The following ANKRD52 variants were observed in gnomAD, a reference collection of about 807,000 sequenced individuals.
The protein encoded by ANKRD52 is ankyrin repeat domain 52.
A neutral mutation model predicts 116.0 loss-of-function variants in ANKRD52; 7 were observed. The observed-to-expected ratio is 0.06, with a 90% CI of 0.03 to 0.11. The LOEUF (loss-of-function observed/expected upper bound fraction) is 0.11. Ranked by LOEUF, ANKRD52 falls within the 10% of genes least tolerant of loss-of-function variation. ANKRD52 has a pLI of 1.00. For missense variants in ANKRD52, 839 were observed against 1,408.6 expected, an observed-to-expected ratio of 0.60 and a Z score of 6.47; for synonymous variants, 528 against 578.1, an observed-to-expected ratio of 0.91 and a Z score of 1.24.
At position 56,254,698 on chromosome 12, in the gene ANKRD52, C is replaced by A. The variant is rs1871864690; in HGVS notation, c.573G>T (p.Leu191=). The A allele has an allele frequency of 6.2e-7, 1 of 1,612,362 alleles. No homozygotes were observed. The highest frequency in any genetic ancestry group is 8.5e-7 in the Non-Finnish European group (1 of 1,178,840). The part of the protein sequence containing the change: ...AFLGHLEVLK[L]LVARGADLGC... ...CGAGGTCTGCTCCCCGTGCCACCAG[C>A]AGTTTTAGGACCTCCAAGTGCCCTG... The change falls in exon 7 of 28, where the codon CTG becomes CTT. Residue 191 remains leucine, a synonymous_variant. Coordinates refer to ENST00000267116, the MANE Select transcript of ANKRD52 (RefSeq NM_173595.4). This position sits in a 1 kb window ranked among gnomAD's most constrained non-coding sequence, Gnocchi z 4.6.
intron 20 of ANKRD52, among the ~76,000 whole-genome samples, 194 bp from the exon 21 acceptor site, chr12:56,245,790 C>A (rs1313987985): frequency 6.7e-6 from 1 of 149,274 alleles, no homozygotes; most frequent in Non-Finnish European, 1.5e-5. Context: ...TCTCGGCTCA[C>A]TGCAACCTCT....
chr12:56,256,789 G>C (rs952163310), intron 4 of ANKRD52, among the ~76,000 whole-genome samples: 3 of 152,190 alleles, frequency 2.0e-5, no homozygotes, highest in African/African-American at 7.2e-5. Flanking sequence ...GGCCCCCGCA[G>C]TCTGCCAGCC....
At position 56,254,426 on chromosome 12, in the gene ANKRD52, T is replaced by C. The variant is rs1280907155; in HGVS notation, c.694-147A>G. 1 of 1,439,356 alleles carries C rather than the reference T, an allele frequency of 6.9e-7. No individual in the cohort carries two copies. Among genetic ancestry groups the C allele is most frequent in the African/African-American group, 1.4e-5 (1 of 71,092 alleles). 89.2% of individuals were successfully genotyped at this position (1,439,356 alleles called of 1,614,324 possible). On this transcript the variant is annotated intron_variant, in intron 7 of 27. Coordinates refer to ENST00000267116, the MANE Select transcript of ANKRD52 (RefSeq NM_173595.4). This position sits in a 1 kb window ranked among gnomAD's most constrained non-coding sequence, Gnocchi z 4.6. ...AGGTACTAAGGTACTAAGGGCACTA[T>C]GGCTAAGGTAAGCATTATTCAGACC...
At chr12:56,257,444 G>A (rs1872010054) in intron 2 of ANKRD52, 83 bp from the exon 3 acceptor site, 4 of 1,229,404 alleles carry the variant, frequency 3.3e-6, no homozygotes, top group Non-Finnish European at 4.7e-6. Flanking sequence ...CAGAGCTCCA[G>A]GCCCTTCCCC....
chr12:56,247,475 C>T lies in ANKRD52; in HGVS notation c.2184+18G>A, dbSNP rs1249892979. On this transcript the variant is annotated intron_variant, in intron 20 of 27. Coordinates refer to ENST00000267116, the MANE Select transcript of ANKRD52 (RefSeq NM_173595.4). The stretch of plus-strand genomic sequence containing the variant: ...CTGAGGCCCATGTGCAAACAATCCC[C>T]CCTAGAAGCTCACTCACCCCGCGGT... 5 of 1,551,666 alleles carry T rather than the reference C, an allele frequency of 3.2e-6. No individual in the cohort carries two copies. The highest frequency in any genetic ancestry group is 1.2e-5 in the South Asian group (1 of 84,208).
rs1210744703 is a variant in ANKRD52 at position 56,252,995 on chromosome 12, A to T, written c.1183+9T>A. On this transcript the variant is annotated intron_variant, in intron 11 of 27. Coordinates refer to ENST00000267116, the MANE Select transcript of ANKRD52 (RefSeq NM_173595.4). The surrounding 1 kb of genome is among the most constrained non-coding windows in gnomAD (Gnocchi z 4.7). ...TACACCTGCCAATCCCCAGCCCATCAGCACATACCTGAGGAAAGAAGCTTA... is the reference window on the plus strand; with the variant it reads ...TACACCTGCCAATCCCCAGCCCATCTGCACATACCTGAGGAAAGAAGCTTA... 5.0e-6 allele frequency: 8 copies of T among 1,585,344 alleles called. No individual in the cohort carries two copies. The highest frequency in any genetic ancestry group is 6.9e-6 in the Non-Finnish European group (8 of 1,165,770).
Position 56,245,164 on chromosome 12 carries a change from G to C in ANKRD52, c.2431C>G (p.Leu811Val). Residue 811 changes from leucine to valine, a missense_variant, in exon 22 of 28, where the codon CTT (leucine) becomes GTT (valine). Transcript: ENST00000267116. The stretch of plus-strand genomic sequence containing the variant: ...AGGTACGAAAACGGGCTGTGTTCAA[G>C]TAACAACTCCAGACAATCTTCATGT... ...TGHEDCLELL[L>V]EHSPFSYLEG... The C allele has an allele frequency of 6.2e-7, 1 of 1,613,946 alleles. No individual in the cohort carries two copies. Among genetic ancestry groups the C allele is most frequent in the Non-Finnish European group, 8.5e-7 (1 of 1,179,870 alleles).
intron 20 of ANKRD52, among the ~76,000 whole-genome samples, chr12:56,246,359 A>G (rs1245896777): frequency 2.0e-5 from 3 of 152,108 alleles, no homozygotes; most frequent in African/African-American, 2.4e-5. Flanking sequence ...AGTATTAGGG[A>G]CCCACATCTC....
In ANKRD52 at chr12:56,254,617, C is replaced by A. The variant is rs749823677; in HGVS notation, c.654G>T (p.Gln218His). ...GLLHTAAASG[Q>H]IEVVKYLLRM... Reference sequence around the variant, plus strand: ...GAAGCAGGTACTTCACCACTTCAATCTGGCCACTGGCAGCAGCTGTATGGA... The same window carrying A: ...GAAGCAGGTACTTCACCACTTCAATATGGCCACTGGCAGCAGCTGTATGGA... The change falls in exon 7 of 28, where the codon CAG becomes CAT. Residue 218 changes from glutamine (Q) to histidine (H), a missense_variant. This residue lies in a region of ANKRD52 where 287 missense variants were observed against 598.1 expected (regional missense o/e 0.48). Transcript: ENST00000267116. This position sits in a 1 kb window ranked among gnomAD's most constrained non-coding sequence, Gnocchi z 4.6. 6.2e-7 allele frequency: 1 copy of A among 1,613,986 alleles called. No individual in the cohort carries two copies. Among genetic ancestry groups the A allele is most frequent in the South Asian group, 1.1e-5 (1 of 91,070 alleles).
Position 56,258,279 on chromosome 12 carries a change from C to G in ANKRD52, c.-10G>C. The G allele has an allele frequency of 1.3e-6, 2 of 1,572,296 alleles. No homozygotes were observed. Among genetic ancestry groups the G allele is most frequent in the Admixed American group, 1.8e-5 (1 of 55,596 alleles). On this transcript the variant is annotated 5_prime_UTR_variant, in exon 1 of 28. Coordinates refer to ENST00000267116, the MANE Select transcript of ANKRD52 (RefSeq NM_173595.4). Reference sequence around the variant, plus strand: ...TGCTGAGGATCCCCATGGCTCGGCCCGGGCTCCGTCCGCATCGAGCTCCCG... The same window carrying G: ...TGCTGAGGATCCCCATGGCTCGGCCGGGGCTCCGTCCGCATCGAGCTCCCG...
rs1034637951 is a variant in ANKRD52 at position 56,252,363 on chromosome 12, C to T, written c.1371-48G>A. 18 of 1,608,892 alleles carry T rather than the reference C, an allele frequency of 1.1e-5. No individual in the cohort carries two copies. Among genetic ancestry groups the T allele is most frequent in the Middle Eastern group, 1.6e-4 (1 of 6,068 alleles). ...TGGGGAAGAGAATCAGAGACAGATA[C>T]GAATGCAATCAGATGTGCAGCCAAA... On this transcript the variant is annotated intron_variant, in intron 13 of 27. Coordinates refer to ENST00000267116, the MANE Select transcript of ANKRD52 (RefSeq NM_173595.4). This position sits in a 1 kb window ranked among gnomAD's most constrained non-coding sequence, Gnocchi z 4.7.
rs1466568154 is a variant in ANKRD52, at chr12:56,244,388, T to C, written c.2770A>G (p.Asn924Asp). The C allele has an allele frequency of 3.7e-6, 6 of 1,613,948 alleles. No homozygotes were observed. The highest frequency in any genetic ancestry group is 5.1e-6 in the Non-Finnish European group (6 of 1,179,892). The change falls in exon 25 of 28, where the codon AAC becomes GAC. Residue 924 changes from asparagine (N) to aspartate (D), a missense_variant. Coordinates refer to ENST00000267116, the MANE Select transcript of ANKRD52 (RefSeq NM_173595.4). The surrounding 1 kb of genome is among the most constrained non-coding windows in gnomAD (Gnocchi z 4.9). Reference sequence around the variant, plus strand: ...GCCAAGTGGAGGGCCGTGTTCTTGTTCTCATCCAACACAGTAAGGTCTGCC... The same window carrying C: ...GCCAAGTGGAGGGCCGTGTTCTTGTCCTCATCCAACACAGTAAGGTCTGCC... Reference protein sequence around the residue: ...GKADLTVLDENKNTALHLACS... With the variant: ...GKADLTVLDEDKNTALHLACS...
intron 1 of ANKRD52, 49 bp from the exon 2 acceptor site, chr12:56,257,960 C>G (rs370412591): frequency 2.0e-5 from 16 of 814,690 alleles, no homozygotes; most frequent in Middle Eastern, 5.1e-4. Flanking sequence ...CGGAGCGGAA[C>G]CGGTGTGGGG....
At position 56,244,869 on chromosome 12, in the gene ANKRD52, G is replaced by A. The variant is rs1871323724; in HGVS notation, c.2576+37C>T. On this transcript the variant is annotated intron_variant, in intron 23 of 27. Coordinates refer to ENST00000267116, the MANE Select transcript of ANKRD52 (RefSeq NM_173595.4). The surrounding 1 kb of genome is among the most constrained non-coding windows in gnomAD (Gnocchi z 4.9). ...GCCCAAGCAGAAAGGGGAAGCCAGA[G>A]GCAACTGGGATTCTTCCCAAGTCTT... 1 of 1,613,870 alleles carries A rather than the reference G, an allele frequency of 6.2e-7. No individual in the cohort carries two copies. Among genetic ancestry groups the A allele is most frequent in the African/African-American group, 1.3e-5 (1 of 74,932 alleles).
chr12:56,256,024 G>T lies in ANKRD52; in HGVS notation c.262-40C>A, dbSNP rs564261322. 3.9e-6 allele frequency: 6 copies of T among 1,529,994 alleles called. No homozygotes were observed. The African/African-American group carries it at 8.2e-5, about 21-fold the overall frequency. 94.8% of individuals were successfully genotyped at this position (1,529,994 alleles called of 1,614,324 possible). On this transcript the variant is annotated intron_variant, in intron 4 of 27. Transcript: ENST00000267116. ...GGGACAAAAGAGAGAGTGGGAGCAG[G>T]AGGTAAAACAACAGGAAATGGAAGG...
In ANKRD52 at chr12:56,243,105, T is replaced by G. The variant is rs1313295973; in HGVS notation, c.*37A>C. 1.3e-6 allele frequency: 2 copies of G among 1,550,126 alleles called. No individual in the cohort carries two copies. Among genetic ancestry groups the G allele is most frequent in the Admixed American group, 4.1e-5 (2 of 48,200 alleles). On this transcript the variant is annotated 3_prime_UTR_variant, in exon 28 of 28. Transcript: ENST00000267116. This position sits in a 1 kb window ranked among gnomAD's most constrained non-coding sequence, Gnocchi z 4.6. ...CTTTTTCTAAATAAATAGAATTAGA[T>G]ATCAAGCCACCGGCGGGGGAGGGAC...
chr12:56,247,517 C>G lies in ANKRD52; in HGVS notation c.2160G>C (p.Arg720=). The change falls in exon 20 of 28, where the codon CGG becomes CGC. Residue 720 remains arginine, a synonymous_variant. Coordinates refer to ENST00000267116, the MANE Select transcript of ANKRD52 (RefSeq NM_173595.4). ...CCCCGCGGTGGAGGGCAGTGCGGCCCCGGAGGTCAGCAGCATCAGCTGTGG... is the reference window on the plus strand; with the variant it reads ...CCCCGCGGTGGAGGGCAGTGCGGCCGCGGAGGTCAGCAGCATCAGCTGTGG... The part of the protein sequence containing the change: ...KGSTADAADL[R]GRTALHRGAV... 1 of 1,588,982 alleles carries G rather than the reference C, an allele frequency of 6.3e-7. No homozygotes were observed. The highest frequency in any genetic ancestry group is 8.6e-7 in the Non-Finnish European group (1 of 1,167,150).
chr12:56,249,174 C>T lies in ANKRD52; in HGVS notation c.1593-304G>A, dbSNP rs2135884795. 1.3e-5 allele frequency among the ~76,000 whole-genome samples: 2 copies of T among 152,286 alleles called. 1 individual carries two copies. Among genetic ancestry groups the T allele is most frequent in the South Asian group, 4.1e-4 (2 of 4,822 alleles). ...AGCCTTCTGCTGACCAACATGCTTT[C>T]CCCACCTCCAGGCACGCCAACCCCT... On this transcript the variant is annotated intron_variant, in intron 15 of 27. Coordinates refer to ENST00000267116, the MANE Select transcript of ANKRD52 (RefSeq NM_173595.4).
chr12:56,243,697 C>A lies in ANKRD52; in HGVS notation c.2980+88G>T. The A allele has an allele frequency of 7.4e-7, 1 of 1,350,384 alleles. No homozygotes were observed. The allele number at this position is 1,350,384 out of a possible 1,614,324, so 83.7% of individuals were successfully genotyped here. The stretch of plus-strand genomic sequence containing the variant: ...AAGAGTTCCCTTGGGAAGAAAATCC[C>A]ATGTATAGCAAGATTAAGAAGTCAC... On this transcript the variant is annotated intron_variant, in intron 27 of 27. Coordinates refer to ENST00000267116, the MANE Select transcript of ANKRD52 (RefSeq NM_173595.4). The surrounding 1 kb of genome is among the most constrained non-coding windows in gnomAD (Gnocchi z 4.6).
Sources: gnomAD v4.1 joint callset for allele counts (sites outside exome capture counted in the v4.1 genomes callset) on GRCh38, gnomAD v4.1.1 for gene constraint, gnomAD v4.1.1 regional missense constraint, Gnocchi (gnomAD v3.1) non-coding constraint, MANE v1.5 for transcripts, NCBI Gene and HGNC (gene_info 2026-07-23, HGNC 2026-07-21) for gene names.